Variants in AFDN observed in about 807,000 individuals in gnomAD.
AFDN encodes afadin.
A neutral mutation model predicts 216.6 loss-of-function variants in AFDN; 68 were observed. That is an observed-to-expected ratio of 0.31 (90% CI 0.26 to 0.38). The LOEUF is 0.38. Among genes scored for constraint, AFDN ranks in the 10% least tolerant of loss-of-function variants. The pLI is 1.00. For missense variants in AFDN, 2,136 were observed against 2,342.0 expected, an observed-to-expected ratio of 0.91 and a Z score of 1.82; for synonymous variants, 868 against 853.7, an observed-to-expected ratio of 1.02 and a Z score of -0.29.
At chr6:167,914,087 C>T (rs1258181259) in intron 16 of AFDN, 81 bp from the exon 17 acceptor site, 10 of 1,487,288 alleles carry the variant, frequency 6.7e-6, no homozygotes, top group African/African-American at 2.8e-5. Flanking sequence ...CTATCTTCAG[C>T]AGCTTTTCAA....
rs774386367 is a variant in AFDN, at chr6:167,880,356, T to C, written c.740-4T>C. On this transcript the variant is annotated splice_region_variant and splice_polypyrimidine_tract_variant and intron_variant, in intron 5 of 33. Transcript: ENST00000683244. ...TACTCAAAGATGTCAAAATGTTTTT[T>C]CAGGTGGAACATTGAGAATTTATGC... 1 of 1,610,026 alleles carries C rather than the reference T, an allele frequency of 6.2e-7. No individual in the cohort carries two copies. Among genetic ancestry groups the C allele is most frequent in the Non-Finnish European group, 8.5e-7 (1 of 1,177,590 alleles).
intron 1 of AFDN, among the ~76,000 whole-genome samples, chr6:167,845,553 T>C (rs1002392584): frequency 6.6e-6 from 1 of 151,972 alleles, no homozygotes; most frequent in Non-Finnish European, 1.5e-5. Context: ...AGATGGTATT[T>C]TTAGTAGAGA....
Position 167,827,090 on chromosome 6 carries a change from TCCGGCC to T in AFDN, c.-33_-28del. ...CGGACCTGTCGTCCTCGGCCCGTCC[TCCGGCC>T]CCGGCCCCGCGCGGCTGAGGAGGCG... On this transcript the variant is annotated 5_prime_UTR_variant, in exon 1 of 34. Coordinates refer to ENST00000683244, the MANE Select transcript of AFDN (RefSeq NM_001386888.1). 3.6e-6 allele frequency: 4 copies of T among 1,109,728 alleles called. No individual in the cohort carries two copies. Among genetic ancestry groups the T allele is most frequent in the South Asian group, 3.6e-5 (2 of 56,188 alleles). The allele number at this position is 1,109,728 out of a possible 1,614,324, so 68.7% of individuals were successfully genotyped here.
At chr6:167,952,906 C>T (rs1300005874) in intron 30 of AFDN, among the ~76,000 whole-genome samples, 1 of 152,114 alleles carries the variant, frequency 6.6e-6, no homozygotes, top group Non-Finnish European at 1.5e-5. Flanking sequence ...TATTTCTCCA[C>T]AGTATGAAAA....
chr6:167,956,266 C>T (rs953150789), intron 30 of AFDN, among the ~76,000 whole-genome samples: 1 of 152,016 alleles, frequency 6.6e-6, no homozygotes, highest in Non-Finnish European at 1.5e-5. Context: ...TGACACTACC[C>T]AGTATGGTTC....
chr6:167,861,737 G>A (rs1206953608), intron 1 of AFDN, among the ~76,000 whole-genome samples: 3 of 152,140 alleles, frequency 2.0e-5, no homozygotes, highest in Non-Finnish European at 2.9e-5. Flanking sequence ...CACAGATGAT[G>A]CTTCTGTTTT....
chr6:167,860,585 T>C (rs1783449621), intron 1 of AFDN, among the ~76,000 whole-genome samples: 1 of 152,152 alleles, frequency 6.6e-6, no homozygotes, highest in Non-Finnish European at 1.5e-5. Flanking sequence ...ACAAGCTTGT[T>C]TTCATTTTAT....
chr6:167,915,444 G>A lies in AFDN; in HGVS notation c.2565+11G>A, dbSNP rs1333047711. 3 of 1,598,632 alleles carry A rather than the reference G, an allele frequency of 1.9e-6. No individual in the cohort carries two copies. Among genetic ancestry groups the A allele is most frequent in the Non-Finnish European group, 2.6e-6 (3 of 1,170,536 alleles). ...AGCAGGATCGTGCAGGTGATTGCTG[G>A]TGCCACTCCCCAGCTCATGTGCTTT... On this transcript the variant is annotated intron_variant, in intron 19 of 33. Transcript: ENST00000683244.
At chr6:167,914,084 C>T (rs1790745889) in intron 16 of AFDN, 84 bp from the exon 17 acceptor site, 2 of 1,473,622 alleles carry the variant, frequency 1.4e-6, no homozygotes, top group East Asian at 2.3e-5. Flanking sequence ...GGTCTATCTT[C>T]AGCAGCTTTT....
At chr6:167,930,977 G>C (rs1793212936) in intron 23 of AFDN, among the ~76,000 whole-genome samples, 1 of 151,674 alleles carries the variant, frequency 6.6e-6, no homozygotes, top group South Asian at 2.1e-4. Flanking sequence ...TTCCAGATGA[G>C]AGGTCGTGGA....
Position 167,827,085 on chromosome 6 carries a change from C to G in AFDN, c.-48C>G, listed in dbSNP as rs536802755. 3.3e-5 allele frequency: 35 copies of G among 1,057,304 alleles called. No homozygotes were observed. Among genetic ancestry groups the G allele is most frequent in the Middle Eastern group, 3.8e-4 (1 of 2,620 alleles). 65.5% of individuals were successfully genotyped at this position (1,057,304 alleles called of 1,614,324 possible). On this transcript the variant is annotated 5_prime_UTR_variant, in exon 1 of 34. Coordinates refer to ENST00000683244, the MANE Select transcript of AFDN (RefSeq NM_001386888.1). ...CCCCGCGGACCTGTCGTCCTCGGCC[C>G]GTCCTCCGGCCCCGGCCCCGCGCGG... is the stretch of plus-strand genomic sequence containing the variant.
chr6:167,873,596 A>G (rs1432850464), intron 4 of AFDN, among the ~76,000 whole-genome samples: 1 of 152,076 alleles, frequency 6.6e-6, no homozygotes, highest in Non-Finnish European at 1.5e-5. Flanking sequence ...GGGTTCAGAT[A>G]CTCTCATGTG....
chr6:167,838,776 G>C (rs1406762993), intron 1 of AFDN, among the ~76,000 whole-genome samples: 1 of 152,126 alleles, frequency 6.6e-6, no homozygotes, highest in Non-Finnish European at 1.5e-5. Context: ...AACCCTGGAG[G>C]AGGTTTCTAG....
At chr6:167,944,136 G>A in intron 26 of AFDN, 77 bp downstream of exon 26, 2 of 1,135,090 alleles carry the variant, frequency 1.8e-6, no homozygotes, top group African/African-American at 3.1e-5. Flanking sequence ...CATGGAGGAG[G>A]TACTGGTGTT....
chr6:167,855,489 T>C (rs1782791886), intron 1 of AFDN, among the ~76,000 whole-genome samples: 1 of 152,162 alleles, frequency 6.6e-6, no homozygotes, highest in Non-Finnish European at 1.5e-5. Flanking sequence ...TGACCAAAAG[T>C]TAAGTCTTTG....
intron 5 of AFDN, 35 bp downstream of exon 5, chr6:167,875,530 TACAA>T: frequency 6.2e-7 from 1 of 1,604,266 alleles, no homozygotes; most frequent in Non-Finnish European, 8.5e-7. Context: ...TTCTACCTGT[TACAA>T]AGAGCATTGT....
At chr6:167,874,773 G>C (rs1003237674) in intron 4 of AFDN, among the ~76,000 whole-genome samples, 1 of 151,802 alleles carries the variant, frequency 6.6e-6, no homozygotes, top group African/African-American at 2.4e-5. Flanking sequence ...TTGCCACCAC[G>C]CTCGGCTAAT....
Position 167,927,332 on chromosome 6 carries a change from T to C in AFDN, c.3099+2241T>C, listed in dbSNP as rs77713723. ...GCAGAGATAGAAGAAACGAGTCTTG[T>C]GTGGGCCACTTTTGGATAAGGTGAG... On this transcript the variant is annotated intron_variant, in intron 23 of 33. Coordinates refer to ENST00000683244, the MANE Select transcript of AFDN (RefSeq NM_001386888.1). Among the ~76,000 whole-genome samples, 412 of 152,234 alleles carry C rather than the reference T, an allele frequency of 2.7e-3. 4 individuals carry two copies. Among genetic ancestry groups the C allele is most frequent in the African/African-American group, 9.1e-3 (378 of 41,540 alleles).
intron 13 of AFDN, among the ~76,000 whole-genome samples, chr6:167,909,769 T>C (rs1202174696): frequency 6.6e-6 from 1 of 152,204 alleles, no homozygotes; most frequent in African/African-American, 2.4e-5. Context: ...GTCATTAATA[T>C]CCCCACAATT....
Sources: gnomAD v4.1 joint callset for allele counts (sites outside exome capture counted in the v4.1 genomes callset) on GRCh38, gnomAD v4.1.1 for gene constraint, MANE v1.5 for transcripts, NCBI Gene and HGNC (gene_info 2026-07-23, HGNC 2026-07-21) for gene names.